ALPK2: variants seen among roughly 807,000 people sequenced by gnomAD.
ALPK2 encodes the protein alpha-protein kinase 2.
ALPK2 carries 127 observed loss-of-function variants against 163.1 expected under a neutral mutation model. That is an observed-to-expected ratio of 0.78 (90% confidence interval 0.67 to 0.90). The LOEUF (loss-of-function observed/expected upper bound fraction) is 0.90. Ranked by LOEUF, ALPK2 falls within the 40% of genes least tolerant of loss-of-function variation. The pLI is 0.00. For missense variants in ALPK2, 2,360 were observed against 2,589.6 expected (o/e 0.91, Z 1.92); for synonymous variants, 953 against 959.1 (o/e 0.99, Z 0.12).
At chr18:58,584,604 G>T (rs2051976408) in intron 3 of ALPK2, among the ~76,000 whole-genome samples, 1 of 152,228 alleles carries the variant, frequency 6.6e-6, no homozygotes, top group Admixed American at 6.5e-5. Context: ...CAGCCAAATG[G>T]CAGACTTGCA....
chr18:58,546,922 G>GT (rs969911705), intron 4 of ALPK2, among the ~76,000 whole-genome samples: 1 of 152,100 alleles, frequency 6.6e-6, no homozygotes, highest in African/African-American at 2.4e-5. Context: ...TCTCTGGGGG[G>GT]TTTTTTGGTT....
intron 4 of ALPK2, among the ~76,000 whole-genome samples, chr18:58,540,317 AAGAGACTTTGAACCCTAAG>A (rs2051683555): frequency 6.6e-6 from 1 of 152,228 alleles, no homozygotes; most frequent in Non-Finnish European, 1.5e-5. Context: ...CCCATTTTAA[AAGAGACTTTGAACCCTAAG>A]CACTACTGGT....
rs1322284561 is a variant in ALPK2 at position 58,629,010 on chromosome 18, C to T, written c.-267G>A. ...GTTCTGGAAGAAGAGCATTTTTTCCCCGCCCTTCAGTGAACTAGGTCATTG... is the reference window on the plus strand; with the variant it reads ...GTTCTGGAAGAAGAGCATTTTTTCCTCGCCCTTCAGTGAACTAGGTCATTG... On this transcript the variant is annotated 5_prime_UTR_variant, in exon 1 of 13. Transcript: ENST00000361673. 1 of 152,170 alleles carries T rather than the reference C, an allele frequency of 6.6e-6. No individual in the cohort carries two copies. The highest frequency in any genetic ancestry group is 1.5e-5 in the Non-Finnish European group (1 of 68,038). The allele number at this position is 152,170 out of a possible 1,614,324, so 9.4% of individuals were successfully genotyped here.
At chr18:58,506,787 CAG>C (rs2051464042) in intron 10 of ALPK2, among the ~76,000 whole-genome samples, 1 of 152,198 alleles carries the variant, frequency 6.6e-6, no homozygotes, top group South Asian at 2.1e-4. Flanking sequence ...GACATCTGGA[CAG>C]ACAGTTCTCT....
chr18:58,485,838 A>G (rs1240020646), intron 12 of ALPK2, among the ~76,000 whole-genome samples: 1 of 152,116 alleles, frequency 6.6e-6, no homozygotes, highest in Non-Finnish European at 1.5e-5. Context: ...TCAAATGGGG[A>G]GTGTCACGAG....
intron 5 of ALPK2, among the ~76,000 whole-genome samples, chr18:58,531,666 A>T (rs2144140870): frequency 6.8e-6 from 1 of 147,632 alleles, no homozygotes; most frequent in Middle Eastern, 3.5e-3. Context: ...AAAAAAAAAA[A>T]GGACGGGCAT....
At chr18:58,609,661 G>A (rs1489590882) in intron 2 of ALPK2, among the ~76,000 whole-genome samples, 2 of 152,156 alleles carry the variant, frequency 1.3e-5, no homozygotes, top group African/African-American at 4.8e-5. Context: ...ACTTGCATAG[G>A]GAAGTGGTAT....
chr18:58,512,042 GA>G (rs1470087004), intron 10 of ALPK2: 3 of 152,348 alleles, frequency 2.0e-5, no homozygotes, highest in Non-Finnish European at 4.4e-5. Flanking sequence ...GGCACATTAG[GA>G]CAGTGGACCT....
chr18:58,591,905 G>A (rs566545472), intron 3 of ALPK2, among the ~76,000 whole-genome samples: 2 of 152,324 alleles, frequency 1.3e-5, no homozygotes, highest in African/African-American at 4.8e-5. Flanking sequence ...GGTGGATCAG[G>A]AGATATGGTC....
intron 1 of ALPK2, among the ~76,000 whole-genome samples, chr18:58,622,569 A>G (rs781481153): frequency 3.1e-4 from 47 of 152,192 alleles, no homozygotes; most frequent in Non-Finnish European, 5.6e-4. Flanking sequence ...AAGACAGGGA[A>G]GAGAGGAGAA....
At chr18:58,508,834 G>A (rs1350428463) in intron 10 of ALPK2, among the ~76,000 whole-genome samples, 2 of 151,840 alleles carry the variant, frequency 1.3e-5, no homozygotes, top group Non-Finnish European at 2.9e-5. Context: ...CCTCTGTTGG[G>A]GTCTGGATTG....
chr18:58,513,229 GTA>G (rs141998074), intron 10 of ALPK2, among the ~76,000 whole-genome samples: 34,914 of 151,314 alleles, frequency 0.23, 4,539 homozygotes, highest in South Asian at 0.42. Context: ...TGTTTGTGTG[GTA>G]TGTGTGTGTG....
In ALPK2 at chr18:58,628,805, G is replaced by T. The variant is rs1396644388; in HGVS notation, c.-62C>A. ...TCCAAGAAATGTTGTAGGAGGGCTG[G>T]CTCAGCTGTGGATTCCCCAGGCTGT... On this transcript the variant is annotated 5_prime_UTR_variant, in exon 1 of 13. Transcript: ENST00000361673. 1.3e-5 allele frequency: 2 copies of T among 152,180 alleles called. No homozygotes were observed. The highest frequency in any genetic ancestry group is 2.9e-5 in the Non-Finnish European group (2 of 68,030). 9.4% of individuals were successfully genotyped at this position (152,180 alleles called of 1,614,324 possible).
Position 58,526,753 on chromosome 18 carries a change from C to G in ALPK2, c.5501+2338G>C, listed in dbSNP as rs77159890. Among the ~76,000 whole-genome samples the G allele has an allele frequency of 9.9e-3, 1,501 of 152,308 alleles. 19 individuals are homozygous for G. Among genetic ancestry groups the G allele is most frequent in the African/African-American group, 0.034 (1,414 of 41,552 alleles). On this transcript the variant is annotated intron_variant, in intron 6 of 12. Transcript: ENST00000361673. Reference sequence around the variant, plus strand: ...AAGTATATTAGTCTTGCCCTACCCACAAGAAAGTCTTCTGACACCTAATTT... The same window carrying G: ...AAGTATATTAGTCTTGCCCTACCCAGAAGAAAGTCTTCTGACACCTAATTT...
intron 12 of ALPK2, among the ~76,000 whole-genome samples, chr18:58,483,644 G>A (rs143011531): frequency 0.021 from 3,144 of 151,762 alleles, 52 homozygotes; most frequent in South Asian, 0.054. Context: ...TCCGCTTGCT[G>A]GGTTCAAGTG....
chr18:58,497,191 G>C (rs2051405152), intron 12 of ALPK2, among the ~76,000 whole-genome samples: 1 of 152,192 alleles, frequency 6.6e-6, no homozygotes, highest in Admixed American at 6.5e-5. Context: ...ACTATCTCCT[G>C]ATCTGTTGAC....
intron 4 of ALPK2, among the ~76,000 whole-genome samples, chr18:58,555,353 C>T (rs1370709241): frequency 4.6e-5 from 7 of 152,272 alleles, no homozygotes; most frequent in Non-Finnish European, 8.8e-5. Flanking sequence ...CACTGAGATT[C>T]GAATCATATC....
At chr18:58,574,154 T>A (rs2051906212) in intron 4 of ALPK2, among the ~76,000 whole-genome samples, 1 of 151,744 alleles carries the variant, frequency 6.6e-6, no homozygotes, top group Admixed American at 6.6e-5. Context: ...AGTGCAAGAT[T>A]TGGATGGTGC....
chr18:58,618,676 C>A (rs78478708), intron 1 of ALPK2, among the ~76,000 whole-genome samples: 8,937 of 152,278 alleles, frequency 0.059, 329 homozygotes, highest in African/African-American at 0.11. Context: ...TAATGTATTT[C>A]TCTCAAATTG....
Sources: gnomAD v4.1 joint callset for allele counts (sites outside exome capture counted in the v4.1 genomes callset) on GRCh38, gnomAD v4.1.1 for gene constraint, MANE v1.5 for transcripts, NCBI Gene and HGNC (gene_info 2026-07-23, HGNC 2026-07-21) for gene names.